KIF9: variants seen among roughly 807,000 people sequenced by gnomAD.
KIF9 encodes the protein kinesin-like protein KIF9.
In KIF9, 68 loss-of-function variants were observed where a neutral mutation model predicts 94.8. That is an observed-to-expected ratio of 0.72 (90% CI 0.59 to 0.88). KIF9 has a LOEUF of 0.88. Among genes scored for constraint, KIF9 ranks in the 40% least tolerant of loss-of-function variants. KIF9 has a pLI of 0.00. For synonymous variants in KIF9, 343 were observed against 362.1 expected (o/e 0.95, Z 0.60); for missense variants, 882 against 982.5 (o/e 0.90, Z 1.37).
At chr3:47,280,693 A>G (rs147238077) in intron 1 of KIF9, among the ~76,000 whole-genome samples, 1 of 152,258 alleles carries the variant, frequency 6.6e-6, no homozygotes, top group African/African-American at 2.4e-5. Flanking sequence ...ACAAAACAAA[A>G]CAAATAAGCA....
chr3:47,237,266 G>A (rs1271788710), intron 17 of KIF9, among the ~76,000 whole-genome samples: 4 of 152,098 alleles, frequency 2.6e-5, no homozygotes, highest in Admixed American at 2.6e-4. Context: ...GCTAATTTTT[G>A]TATTTGTAGT....
intron 9 of KIF9, among the ~76,000 whole-genome samples, chr3:47,260,167 A>ATGTT (rs1180129213): frequency 1.5e-5 from 2 of 130,768 alleles, no homozygotes; most frequent in East Asian, 4.3e-4. Context: ...AAGCATTGAG[A>ATGTT]TGTTTATGTG....
intron 17 of KIF9, among the ~76,000 whole-genome samples, chr3:47,240,475 C>T (rs1445910235): frequency 1.3e-5 from 2 of 152,218 alleles, no homozygotes; most frequent in African/African-American, 2.4e-5. Flanking sequence ...AGGTCACCAG[C>T]TACCCATCTC....
chr3:47,275,898 T>C (rs1701935368), intron 2 of KIF9, among the ~76,000 whole-genome samples: 1 of 152,200 alleles, frequency 6.6e-6, no homozygotes, highest in Non-Finnish European at 1.5e-5. Context: ...CCAGCCTCAT[T>C]GCTCTGGTTG....
intron 10 of KIF9, 71 bp from the exon 11 acceptor site, chr3:47,248,157 A>G (rs1459092602): frequency 3.6e-6 from 4 of 1,118,710 alleles, no homozygotes; most frequent in Non-Finnish European, 5.4e-6. Context: ...TCTCTTCCAC[A>G]GCAAAAGTAC....
Position 47,247,375 on chromosome 3 carries a change from C to A in KIF9, c.1231G>T (p.Asp411Tyr). The change falls in exon 12 of 21, where the codon GAC becomes TAC. Residue 411 changes from aspartate to tyrosine, a missense_variant and splice_region_variant. Transcript: ENST00000684063. ...GTGGTCACAGAGGGGTTCCTTACGT[C>A]GATCTCGTCCAGTGTCCCCTCCAGG... ...RYLEGTLDEIDIISLRQIKEV... is the reference protein window; with the variant it reads ...RYLEGTLDEIYIISLRQIKEV... The A allele has an allele frequency of 6.2e-7, 1 of 1,609,670 alleles. No individual in the cohort carries two copies. Among genetic ancestry groups the A allele is most frequent in the South Asian group, 1.1e-5 (1 of 90,938 alleles).
At chr3:47,236,364 G>T in intron 18 of KIF9, 79 bp downstream of exon 18, 1 of 1,476,228 alleles carries the variant, frequency 6.8e-7, no homozygotes, top group Non-Finnish European at 9.4e-7. Flanking sequence ...CTCTGAGGGT[G>T]CTTCCAGAAC....
intron 13 of KIF9, chr3:47,245,842 C>T (rs1419462291): frequency 1.0e-5 from 5 of 476,648 alleles, no homozygotes; most frequent in Non-Finnish European, 1.9e-5. Flanking sequence ...CTTGGAATCA[C>T]ATGACCAGCT....
intron 18 of KIF9, 24 bp downstream of exon 18, chr3:47,236,419 G>A (rs773429405): frequency 9.3e-6 from 15 of 1,611,486 alleles, no homozygotes; most frequent in African/African-American, 8.0e-5. Context: ...CTCAGGTGGC[G>A]GCCAACCTTC....
At chr3:47,246,648 G>A (rs1699942781) in intron 12 of KIF9, 1 of 151,216 alleles carries the variant, frequency 6.6e-6, no homozygotes, top group African/African-American at 2.5e-5. Flanking sequence ...TTATGGTCCT[G>A]TCTGCATGGG....
At chr3:47,241,403 C>A (rs1184629817) in intron 16 of KIF9, among the ~76,000 whole-genome samples, 11 of 151,692 alleles carry the variant, frequency 7.3e-5, no homozygotes, top group East Asian at 1.9e-4. Flanking sequence ...CTCACTGCAA[C>A]CCCCACCTCC....
intron 1 of KIF9, among the ~76,000 whole-genome samples, chr3:47,279,819 G>A (rs535584792): frequency 3.3e-5 from 5 of 151,976 alleles, no homozygotes; most frequent in Non-Finnish European, 5.9e-5. Flanking sequence ...GGGTTTCACC[G>A]TGTTAGCCAG....
At chr3:47,258,717 C>A (rs995946563) in intron 9 of KIF9, among the ~76,000 whole-genome samples, 1 of 152,202 alleles carries the variant, frequency 6.6e-6, no homozygotes, top group Admixed American at 6.5e-5. Context: ...TTGCCTTCCA[C>A]CATGAGTAAA....
At chr3:47,264,114 G>C (rs927703868) in intron 9 of KIF9, 172 bp downstream of exon 9, 11 of 606,400 alleles carry the variant, frequency 1.8e-5, no homozygotes, top group African/African-American at 1.6e-4. Context: ...TTGGTGTGTG[G>C]ATCCTAGCTC....
intron 9 of KIF9, among the ~76,000 whole-genome samples, chr3:47,260,385 C>T (rs975629387): frequency 6.6e-6 from 1 of 151,966 alleles, no homozygotes; most frequent in Non-Finnish European, 1.5e-5. Context: ...ACGCTGGTTC[C>T]CCAGGTCCCC....
intron 9 of KIF9, among the ~76,000 whole-genome samples, chr3:47,259,186 G>C (rs1224941545): frequency 6.6e-6 from 1 of 152,188 alleles, no homozygotes; most frequent in Non-Finnish European, 1.5e-5. Context: ...TGACCGATCT[G>C]TTAATGAAGC....
chr3:47,269,627 A>G (rs554446971), intron 5 of KIF9, among the ~76,000 whole-genome samples: 5 of 151,844 alleles, frequency 3.3e-5, no homozygotes. Context: ...TTTGAGATGG[A>G]GTCTTACTCT....
intron 4 of KIF9, among the ~76,000 whole-genome samples, chr3:47,271,927 C>G (rs1294997197): frequency 2.6e-5 from 4 of 152,122 alleles, no homozygotes; most frequent in Non-Finnish European, 2.9e-5. Flanking sequence ...CGAGACCATC[C>G]TGGCCAACAT....
intron 5 of KIF9, among the ~76,000 whole-genome samples, chr3:47,268,544 A>G (rs1701434920): frequency 6.7e-6 from 1 of 149,066 alleles, no homozygotes; most frequent in Non-Finnish European, 1.5e-5. Flanking sequence ...ATCCAGTGAC[A>G]CTCACCAAGA....
Sources: allele counts gnomAD v4.1 joint callset (sites outside exome capture counted in the v4.1 genomes callset), GRCh38; gene constraint gnomAD v4.1.1; transcripts MANE v1.5; gene names NCBI Gene and HGNC (gene_info 2026-07-23, HGNC 2026-07-21).